The following FKBP15 variants were observed in gnomAD, a reference collection of about 807,000 sequenced individuals.
The protein encoded by FKBP15 is FKBP prolyl isomerase family member 15, also known as FK506-binding protein 15.
FKBP15 carries 106 observed loss-of-function variants against 158.1 expected under a neutral mutation model. That is an observed-to-expected ratio of 0.67 (90% confidence interval 0.57 to 0.79). The LOEUF is 0.79. FKBP15 is among the 30% of genes least tolerant of loss of function. FKBP15 has a pLI of 0.00. For missense variants in FKBP15, 1,287 were observed against 1,479.1 expected (o/e 0.87, Z 2.13); for synonymous variants, 547 against 548.6 (o/e 1.00, Z 0.04).
At chr9:113,209,668 T>C (rs1008996333) in intron 2 of FKBP15, among the ~76,000 whole-genome samples, 5 of 152,224 alleles carry the variant, frequency 3.3e-5, no homozygotes, top group Non-Finnish European at 7.3e-5. Context: ...GGAACATCTT[T>C]TGTATAATCC....
rs1186457712 is a variant in FKBP15 at position 113,163,656 on chromosome 9, C to T, written c.*2422G>A. 1 of 148,910 alleles carries T rather than the reference C, an allele frequency of 6.7e-6. No homozygotes were observed. The highest frequency in any genetic ancestry group is 1.5e-5 in the Non-Finnish European group (1 of 66,050). The allele number at this position is 148,910 out of a possible 1,614,324, so 9.2% of individuals were successfully genotyped here. On this transcript the variant is annotated 3_prime_UTR_variant, in exon 28 of 28. Transcript: ENST00000238256. ...GAGACACAGGACTGCTTTCAGGCTCCTGGTTTATTCTCTGATAGACTGAGC... is the reference window on the plus strand; with the variant it reads ...GAGACACAGGACTGCTTTCAGGCTCTTGGTTTATTCTCTGATAGACTGAGC...
At chr9:113,183,533 A>G (rs1361828967) in intron 18 of FKBP15, among the ~76,000 whole-genome samples, 1 of 152,206 alleles carries the variant, frequency 6.6e-6, no homozygotes, top group Non-Finnish European at 1.5e-5. Flanking sequence ...TGAGGGTCAG[A>G]GCAGGAATCA....
intron 3 of FKBP15, 69 bp downstream of exon 3, chr9:113,207,143 C>G: frequency 1.6e-6 from 2 of 1,249,264 alleles, no homozygotes; most frequent in African/African-American, 1.8e-5. Context: ...AGAGGTTTTT[C>G]GAGAAAAAGT....
intron 2 of FKBP15, among the ~76,000 whole-genome samples, chr9:113,208,846 A>G (rs1312827351): frequency 6.6e-6 from 1 of 151,896 alleles, no homozygotes; most frequent in East Asian, 1.9e-4. Context: ...ATCTCTACTA[A>G]AAATACAAAA....
At chr9:113,170,395 A>G in intron 25 of FKBP15, 127 bp downstream of exon 25, 1 of 716,244 alleles carries the variant, frequency 1.4e-6, no homozygotes, top group Non-Finnish European at 2.4e-6. Flanking sequence ...GCCTCCCAAA[A>G]TGCTGGGATT....
chr9:113,192,629 T>A (rs1446786864), intron 11 of FKBP15, among the ~76,000 whole-genome samples: 1 of 152,206 alleles, frequency 6.6e-6, no homozygotes, highest in Non-Finnish European at 1.5e-5. Context: ...AGAATGAAAG[T>A]ATAAAGATAT....
intron 2 of FKBP15, among the ~76,000 whole-genome samples, chr9:113,209,674 A>G (rs892287188): frequency 6.6e-6 from 1 of 152,212 alleles, no homozygotes; most frequent in African/African-American, 2.4e-5. Flanking sequence ...TCTTTTGTAT[A>G]ATCCAATTTT....
At chr9:113,188,253 G>T in intron 13 of FKBP15, 136 bp downstream of exon 13, 1 of 711,768 alleles carries the variant, frequency 1.4e-6, no homozygotes, top group Non-Finnish European at 2.3e-6. Flanking sequence ...GGGACAAACT[G>T]ACAAGCGTCA....
At chr9:113,182,026 G>A (rs1014451980) in intron 19 of FKBP15, among the ~76,000 whole-genome samples, 16 of 152,292 alleles carry the variant, frequency 1.1e-4, no homozygotes, top group Admixed American at 3.3e-4. Flanking sequence ...ACAAAGATTA[G>A]CATAAGACAT....
At chr9:113,204,358 G>A (rs1187616954) in intron 4 of FKBP15, among the ~76,000 whole-genome samples, 6 of 152,214 alleles carry the variant, frequency 3.9e-5, no homozygotes, top group South Asian at 2.1e-4. Flanking sequence ...GTAAGCCACC[G>A]CGCCCAGCCT....
chr9:113,217,213 T>TG (rs1292644770), intron 1 of FKBP15, among the ~76,000 whole-genome samples: 67 of 142,300 alleles, frequency 4.7e-4, no homozygotes, highest in South Asian at 9.1e-4. Flanking sequence ...TTTTTTTTTT[T>TG]TTTTTTTTTT....
chr9:113,217,201 G>GTTTT lies in FKBP15; in HGVS notation c.53+3986_53+3989dup, dbSNP rs979783485. Among the ~76,000 whole-genome samples, 6 of 89,418 alleles carry GTTTT rather than the reference G, an allele frequency of 6.7e-5. 1 individual carries two copies. The East Asian group carries it at 2.9e-3, about 43-fold the overall frequency. 58.7% of individuals were successfully genotyped at this position (89,418 alleles called of 152,430 possible). On this transcript the variant is annotated intron_variant, in intron 1 of 27. Coordinates refer to ENST00000238256, the MANE Select transcript of FKBP15 (RefSeq NM_015258.2). ...TTACAGGTGTGAGCCACCACGCCCA[G>GTTTT]TTTTTTTTTTTTTTTTTTTTTTTTT...
intron 8 of FKBP15, among the ~76,000 whole-genome samples, chr9:113,197,682 A>C (rs1167514755): frequency 1.3e-5 from 2 of 152,192 alleles, no homozygotes; most frequent in East Asian, 1.9e-4. Context: ...CCACCAAAAA[A>C]GAATGTTTTC....
Position 113,181,535 on chromosome 9 carries a change from C to T in FKBP15, c.1914+1231G>A, listed in dbSNP as rs1830395975. On this transcript the variant is annotated intron_variant, in intron 19 of 27. Transcript: ENST00000238256. The stretch of plus-strand genomic sequence containing the variant: ...ATCTTTTTAAAAGTTCAGATTCAGG[C>T]CCCAGCTAGATAAACTAAATTAGAA... 2.6e-5 allele frequency among the ~76,000 whole-genome samples: 4 copies of T among 152,192 alleles called. No homozygotes were observed. In the South Asian group the frequency reaches 6.2e-4, roughly 24 times the overall value.
Position 113,176,626 on chromosome 9 carries a change from T to G in FKBP15, c.2134A>C (p.Lys712Gln), listed in dbSNP as rs1830304284. The change falls in exon 21 of 28, where the codon AAG (lysine) becomes CAG (glutamine). Residue 712 changes from lysine (K) to glutamine (Q), a missense_variant. Physicochemically the swap from Lys to Gln is moderately conservative, Grantham distance 53. Coordinates refer to ENST00000238256, the MANE Select transcript of FKBP15 (RefSeq NM_015258.2). ...EQAQSKFKSEKQNRKQLELKV... is the reference protein window; with the variant it reads ...EQAQSKFKSEQQNRKQLELKV... ...AGTTCCAGTTGTTTCCGGTTCTGCTTTTCACTTTTGAATTTGGACTGTGCT... is the reference window on the plus strand; with the variant it reads ...AGTTCCAGTTGTTTCCGGTTCTGCTGTTCACTTTTGAATTTGGACTGTGCT... The G allele has an allele frequency of 6.2e-7, 1 of 1,605,294 alleles. No individual in the cohort carries two copies. The highest frequency in any genetic ancestry group is 1.3e-5 in the African/African-American group (1 of 74,856).
At chr9:113,199,150 CATT>C (rs1308811060) in intron 7 of FKBP15, among the ~76,000 whole-genome samples, 1 of 152,136 alleles carries the variant, frequency 6.6e-6, no homozygotes, top group Non-Finnish European at 1.5e-5. Flanking sequence ...AAAAAAAACA[CATT>C]ACTACAACTG....
intron 11 of FKBP15, 97 bp downstream of exon 11, chr9:113,193,395 G>C: frequency 1.1e-6 from 1 of 918,724 alleles, no homozygotes; most frequent in Non-Finnish European, 1.6e-6. Flanking sequence ...GGCTGGTCTT[G>C]AACTCCTGCA....
At chr9:113,196,391 T>TC (rs1301800051) in intron 9 of FKBP15, among the ~76,000 whole-genome samples, 3 of 150,542 alleles carry the variant, frequency 2.0e-5, no homozygotes, top group Non-Finnish European at 4.4e-5. Context: ...CTTTTTTTTT[T>TC]TTTTTTTTTT....
Position 113,166,030 on chromosome 9 carries a change from G to T in FKBP15, c.*48C>A, listed in dbSNP as rs778659222. 4 of 1,567,314 alleles carry T rather than the reference G, an allele frequency of 2.6e-6. No homozygotes were observed. In the South Asian group the frequency reaches 4.6e-5, roughly 18 times the overall value. The stretch of plus-strand genomic sequence containing the variant: ...CCCAGGGTTGGCTGTGCAAAATCAT[G>T]CTTAGGGAAGGGTTGCAGAGAAACC... On this transcript the variant is annotated 3_prime_UTR_variant, in exon 28 of 28. Transcript: ENST00000238256.
Sources: gnomAD v4.1 joint callset for allele counts (sites outside exome capture counted in the v4.1 genomes callset) on GRCh38, gnomAD v4.1.1 for gene constraint, MANE v1.5 for transcripts, NCBI Gene and HGNC (gene_info 2026-07-23, HGNC 2026-07-21) for gene names.